CDNF: variants seen among roughly 807,000 people sequenced by gnomAD.
The protein encoded by CDNF is cerebral dopamine neurotrophic factor, also known as ARMET-like protein 1.
A neutral mutation model predicts 14.8 loss-of-function variants in CDNF; 9 were observed. That is an observed-to-expected ratio of 0.61 (90% CI 0.37 to 1.06). CDNF has a LOEUF of 1.06. Ranked by LOEUF, CDNF falls within the 50% of genes least tolerant of loss-of-function variation. The pLI is 0.01. For missense variants in CDNF, 228 were observed against 228.4 expected, an observed-to-expected ratio of 1.00 and a Z score of 0.01; for synonymous variants, 86 against 87.2, an observed-to-expected ratio of 0.99 and a Z score of 0.07.
intron 3 of CDNF, among the ~76,000 whole-genome samples, chr10:14,820,689 C>T (rs932736084): frequency 2.6e-5 from 4 of 151,932 alleles, no homozygotes; most frequent in African/African-American, 7.3e-5. Context: ...GCCGAGATCA[C>T]GCCATGCACT....
intron 1 of CDNF, among the ~76,000 whole-genome samples, chr10:14,829,608 A>G (rs1833827160): frequency 6.6e-6 from 1 of 151,582 alleles, no homozygotes; most frequent in Admixed American, 6.6e-5. Context: ...TCAATATCTG[A>G]AGTCTTCAGA....
rs143933918 is a variant in CDNF at position 14,823,569 on chromosome 10, C to G, written c.385+1910G>C. ...TCAGATGGGGTTTCACTCTGCCACT[C>G]AGGCTGGAGTACAGTGAAAAAAATC... is the stretch of plus-strand genomic sequence containing the variant. On this transcript the variant is annotated intron_variant, in intron 3 of 3. Transcript: ENST00000465530. Among the ~76,000 whole-genome samples the G allele has an allele frequency of 4.0e-3, 603 of 152,286 alleles. 1 individual carries two copies. Among genetic ancestry groups the G allele is most frequent in the Middle Eastern group, 0.014 (4 of 294 alleles).
chr10:14,833,314 G>T (rs1235522534), intron 1 of CDNF, among the ~76,000 whole-genome samples: 10 of 152,090 alleles, frequency 6.6e-5, no homozygotes, highest in Non-Finnish European at 1.5e-4. Flanking sequence ...AACTACTTGA[G>T]GGCCTGCACA....
In CDNF at chr10:14,831,153, TG is replaced by T. The variant is rs1359776381; in HGVS notation, c.116-2882del. 2.0e-5 allele frequency among the ~76,000 whole-genome samples: 3 copies of T among 152,188 alleles called. No homozygotes were observed. The East Asian group carries it at 5.8e-4, about 29-fold the overall frequency. On this transcript the variant is annotated intron_variant, in intron 1 of 3. Coordinates refer to ENST00000465530, the MANE Select transcript of CDNF (RefSeq NM_001029954.3). ...CCTTTATAATGAAGGGCTAGGTCTT[TG>T]GGGCCCTGAATTAGTTGGTAGAGGA...
At chr10:14,834,926 C>T (rs1020576457) in intron 1 of CDNF, among the ~76,000 whole-genome samples, 2 of 152,104 alleles carry the variant, frequency 1.3e-5, no homozygotes, top group Non-Finnish European at 2.9e-5. Flanking sequence ...AAGTCCTAGA[C>T]TTGAGTAAGG....
At chr10:14,829,691 G>A (rs113585432) in intron 1 of CDNF, among the ~76,000 whole-genome samples, 4,133 of 152,104 alleles carry the variant, frequency 0.027, 194 homozygotes, top group African/African-American at 0.092. Flanking sequence ...GTGCAATGGC[G>A]CAATCTCAAC....
Position 14,837,885 on chromosome 10 carries a change from G to T in CDNF, c.62C>A (p.Pro21Gln). The T allele has an allele frequency of 6.2e-7, 1 of 1,607,012 alleles. No individual in the cohort carries two copies. Among genetic ancestry groups the T allele is most frequent in the South Asian group, 1.1e-5 (1 of 90,176 alleles). ...GGCCTCCTGGCCCTGCGTCAGCACC[G>T]GGTGAGAGACCAAAAGCCCGGCGCA... The part of the protein sequence containing the change: ...AFCAGLLVSH[P>Q]VLTQGQEAGG... The change falls in exon 1 of 4, where the codon CCG becomes CAG. Residue 21 changes from proline (P) to glutamine (Q), a missense_variant. Coordinates refer to ENST00000465530, the MANE Select transcript of CDNF (RefSeq NM_001029954.3).
chr10:14,829,894 C>T (rs1221089411), intron 1 of CDNF, among the ~76,000 whole-genome samples: 7 of 152,096 alleles, frequency 4.6e-5, no homozygotes, highest in Admixed American at 2.6e-4. Flanking sequence ...CCTCCCAAAG[C>T]GCTGGGATTA....
At chr10:14,833,776 T>C (rs1244903652) in intron 1 of CDNF, among the ~76,000 whole-genome samples, 1 of 152,058 alleles carries the variant, frequency 6.6e-6, no homozygotes, top group Non-Finnish European at 1.5e-5. Flanking sequence ...GTCTCAGCCT[T>C]GTGAAATCCC....
At chr10:14,825,813 A>G (rs1833774781) in intron 2 of CDNF, among the ~76,000 whole-genome samples, 193 bp from the exon 3 acceptor site, 1 of 151,984 alleles carries the variant, frequency 6.6e-6, no homozygotes, top group South Asian at 2.1e-4. Flanking sequence ...AGCCTGGTCA[A>G]CATGGTGAAA....
chr10:14,830,184 T>C (rs1235380895), intron 1 of CDNF, among the ~76,000 whole-genome samples: 1 of 152,228 alleles, frequency 6.6e-6, no homozygotes, highest in Non-Finnish European at 1.5e-5. Flanking sequence ...ATGTGAATTT[T>C]GGCTGCAAAT....
intron 1 of CDNF, 27 bp from the exon 2 acceptor site, chr10:14,828,299 C>T (rs767180903): frequency 4.3e-6 from 7 of 1,610,462 alleles, no homozygotes; most frequent in African/African-American, 1.3e-5. Flanking sequence ...AATATGTCTG[C>T]ATGCACAACT....
chr10:14,827,086 T>C (rs552690498), intron 2 of CDNF, among the ~76,000 whole-genome samples: 52 of 141,758 alleles, frequency 3.7e-4, no homozygotes, highest in African/African-American at 1.4e-3. Flanking sequence ...AATCCAAAAA[T>C]TATCTGGGCA....
At chr10:14,836,292 T>C (rs1833885682) in intron 1 of CDNF, 1 of 152,214 alleles carries the variant, frequency 6.6e-6, no homozygotes, top group Non-Finnish European at 1.5e-5. Flanking sequence ...CAAGCTTCTT[T>C]ACCTAACAAA....
rs189967834 is a variant in CDNF, at chr10:14,832,929, G to A, written c.116-4657C>T. 1.1e-3 allele frequency among the ~76,000 whole-genome samples: 156 copies of A among 140,042 alleles called. 1 individual carries two copies. The highest frequency in any genetic ancestry group is 4.4e-4 in the South Asian group (2 of 4,552). 91.9% of individuals were successfully genotyped at this position (140,042 alleles called of 152,430 possible). ...GGCTGGAGTGCAGCGGTGCCATTTC[G>A]GCTCACTGCAACCTCCAACTCCTGG... is the stretch of plus-strand genomic sequence containing the variant. On this transcript the variant is annotated intron_variant, in intron 1 of 3. Transcript: ENST00000465530.
chr10:14,825,452 T>C (rs368935206), intron 3 of CDNF, 27 bp downstream of exon 3: 10 of 1,605,670 alleles, frequency 6.2e-6, no homozygotes, highest in Non-Finnish European at 8.5e-6. Context: ...TTGGACCTAC[T>C]GGGAAAAACA....
intron 3 of CDNF, among the ~76,000 whole-genome samples, chr10:14,823,823 G>C (rs753470647): frequency 6.6e-6 from 1 of 152,174 alleles, no homozygotes; most frequent in Non-Finnish European, 1.5e-5. Context: ...TGCCGCGCCC[G>C]GCCAAGTTTG....
intron 1 of CDNF, among the ~76,000 whole-genome samples, chr10:14,832,518 G>A (rs892547111): frequency 1.3e-5 from 2 of 152,214 alleles, no homozygotes; most frequent in Non-Finnish European, 1.5e-5. Flanking sequence ...GCTGTCTGAA[G>A]AATGGATTAC....
chr10:14,832,693 G>A (rs6602768), intron 1 of CDNF, among the ~76,000 whole-genome samples: 9,644 of 152,208 alleles, frequency 0.063, 457 homozygotes, highest in South Asian at 0.21. Flanking sequence ...TAAGCCAGAT[G>A]TAATGTGTCA....
Sources: gnomAD v4.1 joint callset for allele counts (sites outside exome capture counted in the v4.1 genomes callset) on GRCh38, gnomAD v4.1.1 for gene constraint, MANE v1.5 for transcripts, NCBI Gene and HGNC (gene_info 2026-07-23, HGNC 2026-07-21) for gene names.